Variants in MYO1F observed in about 807,000 individuals in gnomAD.
MYO1F encodes unconventional myosin-If.
A neutral mutation model predicts 146.6 loss-of-function variants in MYO1F; 60 were observed. That is an observed-to-expected ratio of 0.41 (90% CI 0.33 to 0.51). The LOEUF (loss-of-function observed/expected upper bound fraction) is 0.51. Among genes scored for constraint, MYO1F ranks in the 20% least tolerant of loss-of-function variants. The probability of loss-of-function intolerance (pLI) is 0.25; values close to 1 mark genes in which losing one functional copy is unlikely to be tolerated. For missense variants in MYO1F, 1,274 were observed against 1,534.3 expected (o/e 0.83, Z 2.83); for synonymous variants, 602 against 602.1 (o/e 1.00, Z 0.00).
At chr19:8,550,037 G>A (rs922621429) in intron 10 of MYO1F, 123 bp downstream of exon 10, 14 of 1,142,378 alleles carry the variant, frequency 1.2e-5, no homozygotes, top group Non-Finnish European at 1.5e-5. Flanking sequence ...TGGCCTCAAA[G>A]AATGCTCCCA....
Position 8,539,927 on chromosome 19 carries a change from G to A in MYO1F, c.1692+20C>T, listed in dbSNP as rs60396924. The A allele has an allele frequency of 0.039, 62,283 of 1,609,054 alleles. 3,602 individuals are homozygous for A. The highest frequency in any genetic ancestry group is 0.17 in the African/African-American group (12,511 of 74,776). The stretch of plus-strand genomic sequence containing the variant: ...CAGCCCTCTGCAGGCCCAGCTCCCC[G>A]TTGTACACCCCAGGCCCACCTTGAT... On this transcript the variant is annotated intron_variant, in intron 16 of 27. Transcript: ENST00000644032.
intron 14 of MYO1F, among the ~76,000 whole-genome samples, chr19:8,543,885 G>C (rs112601546): frequency 1.2e-5 from 1 of 80,598 alleles, no homozygotes; most frequent in African/African-American, 5.6e-5. Context: ...GCTGGTGGTG[G>C]TGGTGGTGGT....
chr19:8,555,508 GAGCC>G, intron 2 of MYO1F, 147 bp downstream of exon 2: 2 of 1,035,120 alleles, frequency 1.9e-6, no homozygotes, highest in Non-Finnish European at 2.8e-6. Flanking sequence ...CCCCCAACCA[GAGCC>G]CTGCTGTCAC....
At chr19:8,557,952 C>G (rs960653449) in intron 1 of MYO1F, among the ~76,000 whole-genome samples, 1 of 152,108 alleles carries the variant, frequency 6.6e-6, no homozygotes, top group Non-Finnish European at 1.5e-5. Flanking sequence ...TCCCTTTGAG[C>G]TCCTCCAGGC....
chr19:8,553,888 A>ACTCTCTCTCTCTCT (rs1318395114), intron 4 of MYO1F, among the ~76,000 whole-genome samples: 1 of 67,634 alleles, frequency 1.5e-5, no homozygotes, highest in Non-Finnish European at 3.2e-5. Context: ...ACACACACAC[A>ACTCTCTCTCTCTCT]CACACACTCT....
intron 27 of MYO1F, among the ~76,000 whole-genome samples, chr19:8,521,906 C>T (rs750578211): frequency 3.3e-5 from 5 of 152,144 alleles, no homozygotes; most frequent in Non-Finnish European, 7.3e-5. Flanking sequence ...CCTCCTGCCT[C>T]AGCCACTGAA....
intron 25 of MYO1F, among the ~76,000 whole-genome samples, chr19:8,523,249 G>A (rs1483428659): frequency 6.6e-6 from 1 of 152,188 alleles, no homozygotes; most frequent in East Asian, 1.9e-4. Flanking sequence ...TAGCCAGGAT[G>A]GTCTCGATCT....
intron 13 of MYO1F, among the ~76,000 whole-genome samples, chr19:8,544,771 T>C (rs564495157): frequency 2.0e-5 from 3 of 152,126 alleles, no homozygotes; most frequent in African/African-American, 7.2e-5. Context: ...GGGACCTGCC[T>C]TATGTATTTA....
Position 8,565,794 on chromosome 19 carries a change from C to T in MYO1F, c.4-9998G>A, listed in dbSNP as rs974681809. Reference sequence around the variant, plus strand: ...TAACAACAATAGAAAACAATGACAACAACAGTTAACACCTGGCCGGGTGGT... The same window carrying T: ...TAACAACAATAGAAAACAATGACAATAACAGTTAACACCTGGCCGGGTGGT... On this transcript the variant is annotated intron_variant, in intron 1 of 27. Transcript: ENST00000644032. 2.6e-5 allele frequency among the ~76,000 whole-genome samples: 4 copies of T among 151,456 alleles called. 1 individual carries two copies. Among genetic ancestry groups the T allele is most frequent in the Admixed American group, 2.6e-4 (4 of 15,154 alleles).
rs1973686785 is a variant in MYO1F, at chr19:8,553,178, G to A, written c.465C>T (p.Gly155=). The A allele has an allele frequency of 6.2e-7, 1 of 1,614,192 alleles. No homozygotes were observed. The highest frequency in any genetic ancestry group is 2.2e-5 in the East Asian group (1 of 44,884). Residue 155 remains glycine (G), a synonymous_variant, in exon 6 of 28, where the codon GGC becomes GGT. Coordinates refer to ENST00000644032, the MANE Select transcript of MYO1F (RefSeq NM_012335.4). ...LQSNPLLEAF[G]NAKTVRNNNS... ...TGTTGTTGCGCACAGTCTTGGCGTTGCCGAAGGCCTCGAGCAGCGGGTTGG... is the reference window on the plus strand; with the variant it reads ...TGTTGTTGCGCACAGTCTTGGCGTTACCGAAGGCCTCGAGCAGCGGGTTGG...
rs2042251007 is a variant in MYO1F at position 8,577,050 on chromosome 19, CT to C, written c.3+256del. ...GACTCTGTGATTCTCCCTGGGCCAC[CT>C]TCTGTCTTCCAGGTCCTGCCCTATC... On this transcript the variant is annotated intron_variant, in intron 1 of 27. Coordinates refer to ENST00000644032, the MANE Select transcript of MYO1F (RefSeq NM_012335.4). This position sits in a 1 kb window ranked among gnomAD's most constrained non-coding sequence, Gnocchi z 4.3. 1 of 606,048 alleles carries C rather than the reference CT, an allele frequency of 1.7e-6. No homozygotes were observed. The highest frequency in any genetic ancestry group is 2.9e-6 in the Non-Finnish European group (1 of 340,380). The allele number at this position is 606,048 out of a possible 1,614,324, so 37.5% of individuals were successfully genotyped here.
At chr19:8,555,847 C>T (rs994260627) in intron 1 of MYO1F, 51 bp from the exon 2 acceptor site, 15 of 1,561,820 alleles carry the variant, frequency 9.6e-6, no homozygotes, top group Non-Finnish European at 1.3e-5. Flanking sequence ...GGATGCGGCA[C>T]CTGGCTCACC....
rs73501537 is a variant in MYO1F, at chr19:8,550,725, G to A, written c.772-31C>T. The A allele has an allele frequency of 0.053, 85,793 of 1,612,958 alleles. 4,553 individuals carry two copies. Among genetic ancestry groups the A allele is most frequent in the East Asian group, 0.17 (7,665 of 44,846 alleles). ...GTACAACGGGGGCAGAAACTGTGCC[G>A]TGAATCCTGGCCTCCAACCTGCCTC... On this transcript the variant is annotated intron_variant, in intron 8 of 27. Transcript: ENST00000644032.
chr19:8,556,677 C>T (rs569132596), intron 1 of MYO1F, among the ~76,000 whole-genome samples: 4 of 151,322 alleles, frequency 2.6e-5, no homozygotes, highest in Admixed American at 6.6e-5. Flanking sequence ...CACCTGAGGA[C>T]GAGAGTTCGA....
At chr19:8,549,673 C>T (rs961705474) in intron 10 of MYO1F, 5 of 176,064 alleles carry the variant, frequency 2.8e-5, no homozygotes, top group Non-Finnish European at 6.1e-5. Context: ...CCACCACTCC[C>T]GGGTAATTTT....
intron 1 of MYO1F, among the ~76,000 whole-genome samples, chr19:8,566,036 G>A (rs1015335031): frequency 1.3e-5 from 2 of 152,066 alleles, no homozygotes; most frequent in African/African-American, 4.8e-5. Flanking sequence ...TTGAGCCCAG[G>A]AGTTCGGAGT....
At chr19:8,575,133 A>G (rs1278028493) in intron 1 of MYO1F, among the ~76,000 whole-genome samples, 1 of 146,524 alleles carries the variant, frequency 6.8e-6, no homozygotes, top group Admixed American at 6.8e-5. Context: ...CTGTAGTGCA[A>G]TGGTGTGATC....
intron 1 of MYO1F, among the ~76,000 whole-genome samples, chr19:8,560,532 C>T (rs184467778): frequency 8.8e-4 from 132 of 150,758 alleles, no homozygotes; most frequent in African/African-American, 2.6e-3. Context: ...TCTGTCTACA[C>T]GCACAGGAGG....
chr19:8,541,875 G>A, intron 15 of MYO1F, 31 bp downstream of exon 15: 1 of 1,594,760 alleles, frequency 6.3e-7, no homozygotes. Flanking sequence ...GGGGGTTGTA[G>A]CCGGAGGTCC....
Sources: gnomAD v4.1 joint callset for allele counts (sites outside exome capture counted in the v4.1 genomes callset) on GRCh38, gnomAD v4.1.1 for gene constraint, Gnocchi (gnomAD v3.1) non-coding constraint, MANE v1.5 for transcripts, NCBI Gene and HGNC (gene_info 2026-07-23, HGNC 2026-07-21) for gene names.